SNX6: variants seen among roughly 807,000 people sequenced by gnomAD.
SNX6 encodes sorting nexin 6.
A neutral mutation model predicts 63.0 loss-of-function variants in SNX6; 34 were observed. The observed-to-expected ratio is 0.54, with a 90% CI of 0.41 to 0.72. The LOEUF (loss-of-function observed/expected upper bound fraction) is 0.72, where lower values mean the gene tolerates loss of function less well. Among genes scored for constraint, SNX6 ranks in the 30% least tolerant of loss-of-function variants. The probability of loss-of-function intolerance (pLI) is 0.00; values close to 1 mark genes in which losing one functional copy is unlikely to be tolerated. For synonymous variants in SNX6, 170 were observed against 164.2 expected (o/e 1.04, Z -0.27); for missense variants, 398 against 471.4 (o/e 0.84, Z 1.44).
intron 9 of SNX6, among the ~76,000 whole-genome samples, chr14:34,583,827 G>T (rs918153642): frequency 1.4e-5 from 2 of 145,790 alleles, no homozygotes; most frequent in Non-Finnish European, 3.0e-5. Context: ...CTGATAAGAA[G>T]AATTAACTCT....
At chr14:34,617,938 T>C (rs1883483954) in intron 2 of SNX6, among the ~76,000 whole-genome samples, 1 of 151,336 alleles carries the variant, frequency 6.6e-6, no homozygotes, top group African/African-American at 2.4e-5. Flanking sequence ...AAAAAAGACT[T>C]AGGAAGACAT....
At chr14:34,629,464 T>G (rs1404304813) in intron 2 of SNX6, 1 of 468,160 alleles carries the variant, frequency 2.1e-6, no homozygotes, top group Non-Finnish European at 4.2e-6. Context: ...ACACCTGTAC[T>G]ATTTGAGAGA....
chr14:34,608,888 C>G (rs553096526), intron 3 of SNX6, among the ~76,000 whole-genome samples: 1 of 152,046 alleles, frequency 6.6e-6, no homozygotes, highest in South Asian at 2.1e-4. Context: ...ATTAGCCGGG[C>G]GTGGTGGCTT....
intron 2 of SNX6, among the ~76,000 whole-genome samples, chr14:34,613,041 CA>C (rs34313201): frequency 3.0e-4 from 35 of 117,836 alleles, no homozygotes; most frequent in African/African-American, 3.5e-4. Flanking sequence ...AGACTCTATC[CA>C]AAAAAAAAAA....
At chr14:34,612,440 C>T (rs1334296715) in intron 2 of SNX6, among the ~76,000 whole-genome samples, 1 of 151,538 alleles carries the variant, frequency 6.6e-6, no homozygotes, top group African/African-American at 2.4e-5. Context: ...GCAATCACAT[C>T]ATCTTTTTTT....
chr14:34,612,997 C>A (rs940025169), intron 2 of SNX6, among the ~76,000 whole-genome samples: 1 of 144,414 alleles, frequency 6.9e-6, no homozygotes, highest in African/African-American at 2.5e-5. Flanking sequence ...GGCAGTGAGC[C>A]GAGATCACGC....
Position 34,611,613 on chromosome 14 carries a change from C to T in SNX6, c.55-1871G>A, listed in dbSNP as rs577328408. On this transcript the variant is annotated intron_variant, in intron 2 of 13. Transcript: ENST00000362031. ...ACTGGTCAACATGGTGAAACCCCAT[C>T]TCTACTAAAAATACCAAAATTAGCT... Among the ~76,000 whole-genome samples the T allele has an allele frequency of 4.0e-5, 6 of 151,454 alleles. No homozygotes were observed. The South Asian group carries it at 1.2e-3, about 32-fold the overall frequency.
chr14:34,609,060 C>A (rs1883123789), intron 3 of SNX6, among the ~76,000 whole-genome samples: 1 of 151,668 alleles, frequency 6.6e-6, no homozygotes, highest in African/African-American at 2.4e-5. Flanking sequence ...ATTTGTAAGA[C>A]AGTAATTTGA....
At position 34,562,915 on chromosome 14, in the gene SNX6, T is replaced by C; in HGVS notation, c.*207A>G. On this transcript the variant is annotated 3_prime_UTR_variant, in exon 14 of 14. Coordinates refer to ENST00000362031, the MANE Select transcript of SNX6 (RefSeq NM_152233.4). ...AGTGCACGATGATGGACCACTGTCA[T>C]GGGGAACACAGTGCGGCATCACGGC... 4 of 585,994 alleles carry C rather than the reference T, an allele frequency of 6.8e-6. No homozygotes were observed. Among genetic ancestry groups the C allele is most frequent in the Non-Finnish European group, 1.2e-5 (4 of 325,954 alleles). 36.3% of individuals were successfully genotyped at this position (585,994 alleles called of 1,614,324 possible).
chr14:34,589,247 G>A (rs1217011543), intron 8 of SNX6, among the ~76,000 whole-genome samples: 2 of 151,888 alleles, frequency 1.3e-5, no homozygotes, highest in African/African-American at 4.8e-5. Flanking sequence ...CTGAGGTCAG[G>A]AGTTTGAGAC....
chr14:34,629,398 T>A (rs1297980534), intron 2 of SNX6: 1 of 446,600 alleles, frequency 2.2e-6, no homozygotes, highest in Admixed American at 2.4e-5. Context: ...AGTAGGGCAC[T>A]GGACAGGAGT....
rs184348105 is a variant in SNX6 at position 34,584,032 on chromosome 14, A to T, written c.794+2198T>A. 1.5e-3 allele frequency among the ~76,000 whole-genome samples: 225 copies of T among 151,984 alleles called. 3 individuals carry two copies. The highest frequency in any genetic ancestry group is 5.2e-3 in the African/African-American group (214 of 41,462). Reference sequence around the variant, plus strand: ...CAGGCTAATTTTGTGTTTTTAGTAGAGATGGGGTTTCTCCATGTTGGTCAG... The same window carrying T: ...CAGGCTAATTTTGTGTTTTTAGTAGTGATGGGGTTTCTCCATGTTGGTCAG... On this transcript the variant is annotated intron_variant, in intron 9 of 13. Transcript: ENST00000362031.
At chr14:34,595,189 C>CA (rs542444222) in intron 7 of SNX6, among the ~76,000 whole-genome samples, 1 of 152,148 alleles carries the variant, frequency 6.6e-6, no homozygotes, top group South Asian at 2.1e-4. Context: ...AGCTGGAGTG[C>CA]AATGGCACAA....
chr14:34,618,500 G>A (rs908651312), intron 2 of SNX6, among the ~76,000 whole-genome samples: 1 of 152,016 alleles, frequency 6.6e-6, no homozygotes, highest in Non-Finnish European at 1.5e-5. Flanking sequence ...ACAGACGTGC[G>A]ACACCATGCC....
At chr14:34,601,082 T>G (rs1267676723) in intron 6 of SNX6, among the ~76,000 whole-genome samples, 2 of 152,028 alleles carry the variant, frequency 1.3e-5, no homozygotes, top group Non-Finnish European at 2.9e-5. Context: ...CAATGGTCAG[T>G]TAAACAGATC....
intron 10 of SNX6, among the ~76,000 whole-genome samples, chr14:34,580,785 A>G (rs958591771): frequency 9.9e-5 from 15 of 151,816 alleles, no homozygotes; most frequent in African/African-American, 3.4e-4. Context: ...CAGCCTCCCA[A>G]GTAGGACTAC....
chr14:34,604,774 A>G (rs761915206), intron 5 of SNX6, among the ~76,000 whole-genome samples: 4 of 152,124 alleles, frequency 2.6e-5, no homozygotes, highest in Non-Finnish European at 2.9e-5. Context: ...AAATAAAGAC[A>G]TGATGCTCAA....
At chr14:34,629,306 A>G (rs911641009) in intron 2 of SNX6, among the ~76,000 whole-genome samples, 1 of 152,070 alleles carries the variant, frequency 6.6e-6, no homozygotes, top group Non-Finnish European at 1.5e-5. Context: ...ATAAAACACC[A>G]AGGAAATCCT....
At chr14:34,594,146 T>C (rs1371172854) in intron 7 of SNX6, among the ~76,000 whole-genome samples, 1 of 152,172 alleles carries the variant, frequency 6.6e-6, no homozygotes, top group Non-Finnish European at 1.5e-5. Flanking sequence ...AAAACAGTTC[T>C]GGTGGACAGA....
Sources: gnomAD v4.1 joint callset for allele counts (sites outside exome capture counted in the v4.1 genomes callset) on GRCh38, gnomAD v4.1.1 for gene constraint, MANE v1.5 for transcripts, NCBI Gene and HGNC (gene_info 2026-07-23, HGNC 2026-07-21) for gene names.